Variants in CNTNAP5 observed in about 807,000 individuals in gnomAD.
The protein encoded by CNTNAP5 is contactin associated protein family member 5, also known as contactin-associated protein-like 5.
CNTNAP5 carries 72 observed loss-of-function variants against 150.2 expected under a neutral mutation model. The observed-to-expected ratio is 0.48, with a 90% confidence interval of 0.40 to 0.58. CNTNAP5 has a LOEUF of 0.58. CNTNAP5 is among the 20% of genes least tolerant of loss of function. The pLI, the probability that CNTNAP5 is intolerant of heterozygous loss-of-function variation, is 0.00. For synonymous variants in CNTNAP5, 672 were observed against 619.8 expected (o/e 1.08, Z -1.25); for missense variants, 1,636 against 1,626.2 (o/e 1.01, Z -0.10).
chr2:124,238,653 T>C (rs1686810128), intron 2 of CNTNAP5, among the ~76,000 whole-genome samples: 1 of 152,196 alleles, frequency 6.6e-6, no homozygotes, highest in African/African-American at 2.4e-5. Context: ...TTAATAGCCA[T>C]TGATACATCA....
At chr2:124,601,844 T>G (rs1696991956) in intron 11 of CNTNAP5, among the ~76,000 whole-genome samples, 1 of 152,190 alleles carries the variant, frequency 6.6e-6, no homozygotes, top group African/African-American at 2.4e-5. Context: ...AATTGACAAC[T>G]GATACATCAC....
chr2:124,400,517 G>A (rs200267140), intron 3 of CNTNAP5, among the ~76,000 whole-genome samples: 2 of 152,032 alleles, frequency 1.3e-5, no homozygotes, highest in East Asian at 3.9e-4. Context: ...CCTAGCTCTG[G>A]GCCTGGCCCT....
At chr2:124,386,815 G>C (rs561038217) in intron 3 of CNTNAP5, among the ~76,000 whole-genome samples, 1 of 142,704 alleles carries the variant, frequency 7.0e-6, no homozygotes, top group East Asian at 2.2e-4. Flanking sequence ...GTGGATGTTT[G>C]TGTCCCCCCA....
chr2:124,769,751 T>A (rs911793932), intron 16 of CNTNAP5, among the ~76,000 whole-genome samples: 1 of 152,172 alleles, frequency 6.6e-6, no homozygotes, highest in African/African-American at 2.4e-5. Context: ...GCAGGAATAA[T>A]AATTTAAAAA....
chr2:124,413,857 T>C (rs936113305), intron 3 of CNTNAP5, among the ~76,000 whole-genome samples: 2 of 146,034 alleles, frequency 1.4e-5, no homozygotes, highest in Admixed American at 6.9e-5. Flanking sequence ...AATGTGCACA[T>C]GTACCCTAAA....
At position 124,878,388 on chromosome 2, in the gene CNTNAP5, G is replaced by A. The variant is rs570213816; in HGVS notation, c.3436+8626G>A. Among the ~76,000 whole-genome samples, 4 of 152,166 alleles carry A rather than the reference G, an allele frequency of 2.6e-5. No individual in the cohort carries two copies. The South Asian group carries it at 8.3e-4, about 32-fold the overall frequency. On this transcript the variant is annotated intron_variant, in intron 21 of 23. Transcript: ENST00000682447. ...CAATTATAATTCCAAAAATCTGGTG[G>A]TAATGCAAATGATGTGCCTAGGATG...
rs545485401 is a variant in CNTNAP5 at position 124,536,419 on chromosome 2, G to A, written c.1649+8963G>A. ...ACAGCAACCCAATTCTACTAGATCAGAAATGTGGGTTGGGGGCCGGGGCAT... is the reference window on the plus strand; with the variant it reads ...ACAGCAACCCAATTCTACTAGATCAAAAATGTGGGTTGGGGGCCGGGGCAT... On this transcript the variant is annotated intron_variant, in intron 10 of 23. Transcript: ENST00000682447. Among the ~76,000 whole-genome samples the A allele has an allele frequency of 2.2e-4, 33 of 152,154 alleles. No homozygotes were observed. In the South Asian group the frequency reaches 4.8e-3, roughly 22 times the overall value.
intron 10 of CNTNAP5, among the ~76,000 whole-genome samples, chr2:124,551,030 A>AT (rs1695615732): frequency 1.3e-5 from 2 of 151,978 alleles, no homozygotes; most frequent in African/African-American, 4.8e-5. Context: ...AGGGTCATAC[A>AT]TTTTTCAGTG....
intron 1 of CNTNAP5, 81 bp downstream of exon 1, chr2:124,025,813 T>A: frequency 6.1e-6 from 7 of 1,147,106 alleles, no homozygotes; most frequent in East Asian, 2.3e-5. Context: ...CTAAGCGTAC[T>A]CGATTGTGTC....
intron 3 of CNTNAP5, among the ~76,000 whole-genome samples, chr2:124,395,382 G>A (rs1159996938): frequency 6.6e-6 from 1 of 152,132 alleles, no homozygotes; most frequent in African/African-American, 2.4e-5. Flanking sequence ...TTACTGACTT[G>A]TAGTTCTCAG....
At chr2:124,084,674 G>A (rs1682636836) in intron 1 of CNTNAP5, among the ~76,000 whole-genome samples, 1 of 151,648 alleles carries the variant, frequency 6.6e-6, no homozygotes, top group South Asian at 2.1e-4. Flanking sequence ...GCATATATGT[G>A]TTTACATATA....
chr2:124,446,697 T>A (rs1462448247), intron 5 of CNTNAP5, 56 bp from the exon 6 acceptor site: 2 of 1,540,058 alleles, frequency 1.3e-6, no homozygotes, highest in South Asian at 2.4e-5. Flanking sequence ...AGCATTCTGG[T>A]GTGCAAAGCT....
At chr2:124,418,683 A>G (rs982723223) in intron 4 of CNTNAP5, among the ~76,000 whole-genome samples, 3 of 152,216 alleles carry the variant, frequency 2.0e-5, no homozygotes, top group Non-Finnish European at 2.9e-5. Context: ...TCAACAAACC[A>G]TTAGGCCCAG....
intron 19 of CNTNAP5, among the ~76,000 whole-genome samples, chr2:124,812,600 A>C (rs1682261227): frequency 6.6e-6 from 1 of 152,220 alleles, no homozygotes; most frequent in South Asian, 2.1e-4. Context: ...CTTCATCTGC[A>C]TGATAAAGCT....
At chr2:124,277,063 C>G (rs72962894) in intron 3 of CNTNAP5, among the ~76,000 whole-genome samples, 204 of 152,220 alleles carry the variant, frequency 1.3e-3, no homozygotes, top group African/African-American at 4.6e-3. Flanking sequence ...GAGATTCTAT[C>G]ATAAAATATT....
intron 3 of CNTNAP5, among the ~76,000 whole-genome samples, chr2:124,271,736 A>C (rs1187245969): frequency 6.6e-6 from 1 of 150,576 alleles, no homozygotes. Context: ...ATTTATTGAG[A>C]CAGAGTCTTG....
At chr2:124,262,179 A>T (rs1687475477) in intron 3 of CNTNAP5, among the ~76,000 whole-genome samples, 1 of 152,026 alleles carries the variant, frequency 6.6e-6, no homozygotes, top group Non-Finnish European at 1.5e-5. Flanking sequence ...CAGGAGGTGG[A>T]GGTTGCCACC....
chr2:124,137,576 A>C (rs7606373), intron 1 of CNTNAP5, among the ~76,000 whole-genome samples: 20,491 of 152,190 alleles, frequency 0.13, 1,461 homozygotes, highest in Middle Eastern at 0.23. Flanking sequence ...TTAACACACA[A>C]AAAAAATTCT....
intron 13 of CNTNAP5, among the ~76,000 whole-genome samples, chr2:124,695,181 G>A (rs557858030): frequency 9.2e-5 from 14 of 152,156 alleles, no homozygotes; most frequent in African/African-American, 3.1e-4. Context: ...GTGAATAATC[G>A]CACCATGGCC....
Sources: allele counts gnomAD v4.1 joint callset (sites outside exome capture counted in the v4.1 genomes callset), GRCh38; gene constraint gnomAD v4.1.1; transcripts MANE v1.5; gene names NCBI Gene and HGNC (gene_info 2026-07-23, HGNC 2026-07-21).